The following EHBP1 variants were observed in gnomAD, a reference collection of about 807,000 sequenced individuals.
EHBP1 encodes EH domain-binding protein 1.
In EHBP1, 55 loss-of-function variants were observed where a neutral mutation model predicts 144.0. The observed-to-expected ratio is 0.38, with a 90% CI of 0.31 to 0.48. The LOEUF (loss-of-function observed/expected upper bound fraction) is 0.48, where lower values mean the gene tolerates loss of function less well. Ranked by LOEUF, EHBP1 falls within the 20% of genes least tolerant of loss-of-function variation. EHBP1 has a pLI of 0.98. For synonymous variants in EHBP1, 469 were observed against 472.7 expected (o/e 0.99, Z 0.10); for missense variants, 1,200 against 1,364.2 (o/e 0.88, Z 1.90).
At chr2:62,931,233 C>T (rs2055961529) in intron 10 of EHBP1, among the ~76,000 whole-genome samples, 1 of 152,050 alleles carries the variant, frequency 6.6e-6, no homozygotes, top group South Asian at 2.1e-4. Context: ...GATATTTATC[C>T]AAAGAACACA....
chr2:62,927,695 A>G (rs1558928332), intron 10 of EHBP1, among the ~76,000 whole-genome samples: 1 of 152,204 alleles, frequency 6.6e-6, no homozygotes, highest in Non-Finnish European at 1.5e-5. Flanking sequence ...CCCACTCACA[A>G]TAATGGATAG....
upstream of EHBP1, among the ~76,000 whole-genome samples, chr2:62,700,746 A>G (rs1400853538): frequency 6.6e-6 from 1 of 152,180 alleles, no homozygotes; most frequent in Non-Finnish European, 1.5e-5. Context: ...CAACTTCTTC[A>G]GTGACACTAG....
At chr2:62,734,430 A>G (rs1162354592) in intron 2 of EHBP1, among the ~76,000 whole-genome samples, 1 of 146,806 alleles carries the variant, frequency 6.8e-6, no homozygotes, top group African/African-American at 2.5e-5. Flanking sequence ...TTTCAAATAT[A>G]TATATATAAT....
intron 9 of EHBP1, among the ~76,000 whole-genome samples, chr2:62,869,011 A>G (rs566371867): frequency 3.1e-4 from 47 of 152,312 alleles, no homozygotes; most frequent in African/African-American, 9.9e-4. Context: ...TCCAACAGAC[A>G]TTTCACAAAT....
At chr2:63,035,023 C>T (rs1367343490) in intron 19 of EHBP1, among the ~76,000 whole-genome samples, 2 of 151,976 alleles carry the variant, frequency 1.3e-5, no homozygotes, top group African/African-American at 4.8e-5. Context: ...TCACTGTGAT[C>T]ACAGGCTTTA....
chr2:62,878,846 C>T (rs1239780280), intron 10 of EHBP1, among the ~76,000 whole-genome samples: 1 of 151,626 alleles, frequency 6.6e-6, no homozygotes, highest in African/African-American at 2.4e-5. Context: ...GAAATTTCAC[C>T]GTCTCTACTA....
intron 2 of EHBP1, among the ~76,000 whole-genome samples, chr2:62,713,709 A>G (rs1269390561): frequency 3.3e-5 from 5 of 152,212 alleles, no homozygotes; most frequent in Non-Finnish European, 5.9e-5. Context: ...TGAATCTTGA[A>G]CATCTTATTC....
At chr2:62,922,003 C>T (rs746864977) in intron 10 of EHBP1, among the ~76,000 whole-genome samples, 35 of 152,044 alleles carry the variant, frequency 2.3e-4, no homozygotes, top group Non-Finnish European at 3.8e-4. Flanking sequence ...GGTGAAAACC[C>T]GTGTTTACTA....
intron 5 of EHBP1, among the ~76,000 whole-genome samples, chr2:62,786,697 T>G (rs138794315): frequency 6.6e-6 from 1 of 152,332 alleles, no homozygotes; most frequent in East Asian, 1.9e-4. Context: ...TTGTTTAATT[T>G]CTGAACTTGG....
chr2:62,862,802 T>G (rs2049687583), intron 8 of EHBP1, among the ~76,000 whole-genome samples: 1 of 152,206 alleles, frequency 6.6e-6, no homozygotes, highest in Non-Finnish European at 1.5e-5. Context: ...TTTAATGCAC[T>G]ATGACTTTTG....
rs536279486 is a variant in EHBP1 at position 62,853,662 on chromosome 2, T to G, written c.635-5507T>G. Among the ~76,000 whole-genome samples, 7 of 152,334 alleles carry G rather than the reference T, an allele frequency of 4.6e-5. No individual in the cohort carries two copies. In the South Asian group the frequency reaches 1.5e-3, roughly 32 times the overall value. On this transcript the variant is annotated intron_variant, in intron 7 of 22. Coordinates refer to ENST00000431489, the MANE Select transcript of EHBP1 (RefSeq NM_001142616.3). ...GGTTTTCAATTGACTGCCCAGATCATTAGAGGAATCACTACCTATGAGAGC... is the reference window on the plus strand; with the variant it reads ...GGTTTTCAATTGACTGCCCAGATCAGTAGAGGAATCACTACCTATGAGAGC...
At chr2:62,696,030 T>G (rs2034075284) in intron 1 of EHBP1, among the ~76,000 whole-genome samples, 1 of 152,108 alleles carries the variant, frequency 6.6e-6, no homozygotes, top group African/African-American at 2.4e-5. Context: ...TATTTTTTAT[T>G]GTAAAAAAAA....
Position 63,009,588 on chromosome 2 carries a change from C to A in EHBP1, c.3103+12822C>A, listed in dbSNP as rs1034637954. Among the ~76,000 whole-genome samples, 5 of 151,440 alleles carry A rather than the reference C, an allele frequency of 3.3e-5. No individual in the cohort carries two copies. The East Asian group carries it at 9.6e-4, about 29-fold the overall frequency. ...AGTATTCCAAATAATTTTAAGATAT[C>A]CTTATAAGCCTTATGTGATTCATTT... On this transcript the variant is annotated intron_variant, in intron 19 of 22. Transcript: ENST00000431489.
intron 1 of EHBP1, among the ~76,000 whole-genome samples, chr2:62,696,300 A>G: frequency 6.6e-6 from 1 of 151,570 alleles, no homozygotes; most frequent in Non-Finnish European, 1.5e-5. Context: ...CCTCCCAAGT[A>G]GCTGGGATTG....
chr2:62,740,928 G>T (rs1558585392), intron 2 of EHBP1, among the ~76,000 whole-genome samples: 2 of 152,002 alleles, frequency 1.3e-5, no homozygotes, highest in East Asian at 3.9e-4. Flanking sequence ...ATTGTTATGT[G>T]TTTTTTTTAA....
chr2:62,879,251 C>T (rs776492021), intron 10 of EHBP1, among the ~76,000 whole-genome samples: 5 of 152,070 alleles, frequency 3.3e-5, no homozygotes, highest in Non-Finnish European at 7.4e-5. Context: ...TGCCCACTGT[C>T]ACCACTCCTA....
At chr2:63,044,793 G>A (rs1237913127) in intron 21 of EHBP1, 3 of 268,856 alleles carry the variant, frequency 1.1e-5, no homozygotes, top group Middle Eastern at 1.1e-3. Flanking sequence ...ATTCAGGTGC[G>A]CACCTCAGGC....
At chr2:62,850,257 C>T (rs535511894) in intron 7 of EHBP1, among the ~76,000 whole-genome samples, 7 of 152,046 alleles carry the variant, frequency 4.6e-5, no homozygotes, top group African/African-American at 1.2e-4. Flanking sequence ...TAGAGAATAA[C>T]GAAGGTACTG....
chr2:62,870,875 A>G (rs987310619), intron 9 of EHBP1, among the ~76,000 whole-genome samples: 1 of 151,748 alleles, frequency 6.6e-6, no homozygotes, highest in African/African-American at 2.4e-5. Flanking sequence ...CATGTGCTGC[A>G]TGCTTCCTGG....
Sources: allele counts gnomAD v4.1 joint callset (sites outside exome capture counted in the v4.1 genomes callset), GRCh38; gene constraint gnomAD v4.1.1; transcripts MANE v1.5; gene names NCBI Gene and HGNC (gene_info 2026-07-23, HGNC 2026-07-21).